DGLUCY: variants seen among roughly 807,000 people sequenced by gnomAD.
The protein encoded by DGLUCY is D-glutamate cyclase.
In DGLUCY, 58 loss-of-function variants were observed where a neutral mutation model predicts 58.5. That is an observed-to-expected ratio of 0.99 (90% CI 0.80 to 1.23). The LOEUF is 1.23. Ranked by LOEUF, DGLUCY falls within the 50% of genes most tolerant of loss-of-function variation. The pLI is 0.00. For synonymous variants in DGLUCY, 325 were observed against 314.1 expected (o/e 1.03, Z -0.37); for missense variants, 779 against 784.7 (o/e 0.99, Z 0.09).
At chr14:91,210,278 C>G (rs1885461467) in intron 12 of DGLUCY, among the ~76,000 whole-genome samples, 1 of 152,152 alleles carries the variant, frequency 6.6e-6, no homozygotes, top group African/African-American at 2.4e-5. Context: ...GAAAAATAGA[C>G]AAATTCACTA....
chr14:91,191,303 G>A (rs1022276501), intron 9 of DGLUCY, among the ~76,000 whole-genome samples: 8 of 152,198 alleles, frequency 5.3e-5, no homozygotes, highest in Non-Finnish European at 1.2e-4. Context: ...GGAGGAGAGG[G>A]GAATGGGGAG....
intron 1 of DGLUCY, among the ~76,000 whole-genome samples, chr14:91,140,292 G>A (rs1045054468): frequency 3.9e-5 from 6 of 152,292 alleles, no homozygotes; most frequent in African/African-American, 1.4e-4. Flanking sequence ...TTGCCAGTTT[G>A]ATTTAAACTG....
At chr14:91,194,099 G>T (rs1396235990) in intron 9 of DGLUCY, among the ~76,000 whole-genome samples, 1 of 152,070 alleles carries the variant, frequency 6.6e-6, no homozygotes, top group Non-Finnish European at 1.5e-5. Flanking sequence ...CAATTTTGAG[G>T]CAGTAAGAAA....
chr14:91,160,158 C>T, intron 2 of DGLUCY, 108 bp from the exon 3 acceptor site: 1 of 741,244 alleles, frequency 1.3e-6, no homozygotes, highest in Non-Finnish European at 2.4e-6. Flanking sequence ...AGGAACAGGG[C>T]CAGGAAAGGG....
At chr14:91,207,816 G>A (rs1339554339) in intron 12 of DGLUCY, among the ~76,000 whole-genome samples, 2 of 151,356 alleles carry the variant, frequency 1.3e-5, no homozygotes, top group African/African-American at 2.4e-5. Flanking sequence ...GCGCAATCTC[G>A]GCTCGCCACA....
At chr14:91,151,949 T>G (rs1015767060) in intron 1 of DGLUCY, among the ~76,000 whole-genome samples, 2 of 152,166 alleles carry the variant, frequency 1.3e-5, no homozygotes, top group Non-Finnish European at 2.9e-5. Context: ...TCTTTTTTCT[T>G]TATAGACAGG....
chr14:91,163,044 G>A (rs1279139959), intron 3 of DGLUCY, among the ~76,000 whole-genome samples: 1 of 152,136 alleles, frequency 6.6e-6, no homozygotes, highest in South Asian at 2.1e-4. Context: ...GACTGCCTGA[G>A]GTCAGGAGTT....
intron 7 of DGLUCY, 149 bp downstream of exon 7, chr14:91,176,205 C>T (rs1288715403): frequency 4.1e-6 from 4 of 981,592 alleles, no homozygotes; most frequent in Non-Finnish European, 5.6e-6. Context: ...TACAGTGAAT[C>T]TCTCTCTGGT....
At chr14:91,142,263 C>CATTT (rs1266390283) in intron 1 of DGLUCY, among the ~76,000 whole-genome samples, 1 of 152,164 alleles carries the variant, frequency 6.6e-6, no homozygotes, top group African/African-American at 2.4e-5. Context: ...GGTTTACAAT[C>CATTT]ATTTATGCAG....
chr14:91,077,760 A>G (rs1332560769), intron 1 of DGLUCY, among the ~76,000 whole-genome samples: 1 of 135,620 alleles, frequency 7.4e-6, no homozygotes, highest in Admixed American at 7.6e-5. Context: ...CAAAAAAAAA[A>G]AAAGAGAGAG....
chr14:91,131,293 C>T (rs1332498318), intron 1 of DGLUCY, among the ~76,000 whole-genome samples: 2 of 152,118 alleles, frequency 1.3e-5, no homozygotes, highest in Non-Finnish European at 2.9e-5. Flanking sequence ...AATGCTTTTG[C>T]ATTTTATTTA....
At chr14:91,164,909 T>G (rs2048191194) in intron 3 of DGLUCY, among the ~76,000 whole-genome samples, 1 of 152,234 alleles carries the variant, frequency 6.6e-6, no homozygotes, top group African/African-American at 2.4e-5. Flanking sequence ...CAGCCAGGCC[T>G]GTGTCCTTCC....
intron 7 of DGLUCY, 94 bp from the exon 8 acceptor site, chr14:91,181,092 C>A: frequency 1.7e-6 from 2 of 1,194,856 alleles, no homozygotes; most frequent in Non-Finnish European, 2.4e-6. Context: ...AGTTGATGGC[C>A]AGGTGCCATC....
chr14:91,144,186 G>T (rs1379558629), intron 1 of DGLUCY, among the ~76,000 whole-genome samples: 1 of 152,214 alleles, frequency 6.6e-6, no homozygotes, highest in East Asian at 1.9e-4. Context: ...CGGGGTGGGA[G>T]GGTCCCTGGG....
At chr14:91,084,694 T>C (rs149527524) in intron 1 of DGLUCY, among the ~76,000 whole-genome samples, 109 of 152,284 alleles carry the variant, frequency 7.2e-4, no homozygotes, top group African/African-American at 2.2e-3. Flanking sequence ...TTTGGTCTGC[T>C]CCACTCCAAC....
At chr14:91,102,367 G>A (rs1374130832) in intron 1 of DGLUCY, among the ~76,000 whole-genome samples, 1 of 152,092 alleles carries the variant, frequency 6.6e-6, no homozygotes, top group African/African-American at 2.4e-5. Flanking sequence ...GTGTCCTTTT[G>A]TCTCATGTCC....
chr14:91,156,179 T>G (rs2047610723), intron 1 of DGLUCY, among the ~76,000 whole-genome samples: 1 of 151,908 alleles, frequency 6.6e-6, no homozygotes. Context: ...AGTAGCGTGA[T>G]CTCGGCTCAC....
intron 8 of DGLUCY, among the ~76,000 whole-genome samples, chr14:91,183,885 G>T (rs1003144157): frequency 1.3e-5 from 2 of 152,078 alleles, no homozygotes; most frequent in Non-Finnish European, 2.9e-5. Context: ...GCGACTCCTG[G>T]TTCACACCCC....
chr14:91,131,096 C>T (rs1213415953), intron 1 of DGLUCY, among the ~76,000 whole-genome samples: 2 of 152,098 alleles, frequency 1.3e-5, no homozygotes, highest in Admixed American at 1.3e-4. Flanking sequence ...ATTACAGCCA[C>T]GTACTACCAC....
Sources: allele counts gnomAD v4.1 joint callset (sites outside exome capture counted in the v4.1 genomes callset), GRCh38; gene constraint gnomAD v4.1.1; transcripts MANE v1.5; gene names NCBI Gene and HGNC (gene_info 2026-07-23, HGNC 2026-07-21).